RCOR1: variants seen among roughly 807,000 people sequenced by gnomAD.
RCOR1 encodes the protein REST corepressor.
A neutral mutation model predicts 64.0 loss-of-function variants in RCOR1; 12 were observed. That is an observed-to-expected ratio of 0.19 (90% CI 0.12 to 0.30). The LOEUF is 0.30. Ranked by LOEUF, RCOR1 falls within the 10% of genes least tolerant of loss-of-function variation. The pLI is 1.00. For synonymous variants in RCOR1, 279 were observed against 227.2 expected (o/e 1.23, Z -2.05); for missense variants, 502 against 621.2 (o/e 0.81, Z 2.04).
intron 2 of RCOR1, among the ~76,000 whole-genome samples, chr14:102,600,233 G>A (rs190213142): frequency 0.01 from 1,542 of 151,150 alleles, 16 homozygotes; most frequent in Admixed American, 0.016. Context: ...GATTACAGGC[G>A]CCCACCACCA....
At chr14:102,693,023 C>G (rs1895569911) in intron 3 of RCOR1, among the ~76,000 whole-genome samples, 1 of 152,142 alleles carries the variant, frequency 6.6e-6, no homozygotes, top group Non-Finnish European at 1.5e-5. Flanking sequence ...GCCTCAGCCT[C>G]TCAAAGTGTT....
chr14:102,661,563 G>A (rs1160078949), intron 2 of RCOR1, among the ~76,000 whole-genome samples: 2 of 152,120 alleles, frequency 1.3e-5, no homozygotes, highest in African/African-American at 4.8e-5. Flanking sequence ...GTATAATTAT[G>A]TATTAAGTGC....
chr14:102,624,783 A>C (rs76102046), intron 2 of RCOR1, among the ~76,000 whole-genome samples: 2,554 of 152,104 alleles, frequency 0.017, 79 homozygotes, highest in African/African-American at 0.058. Flanking sequence ...GAAAAAAAAA[A>C]AAAGCATTAC....
chr14:102,612,929 C>T (rs1893661611), intron 2 of RCOR1, among the ~76,000 whole-genome samples: 1 of 147,982 alleles, frequency 6.8e-6, no homozygotes, highest in South Asian at 2.1e-4. Flanking sequence ...TGCATTTTAG[C>T]CTGAGAGACA....
intron 2 of RCOR1, among the ~76,000 whole-genome samples, chr14:102,617,170 T>C (rs1213819078): frequency 7.3e-5 from 11 of 151,358 alleles, no homozygotes; most frequent in African/African-American, 4.9e-5. Flanking sequence ...CTAACAGTTA[T>C]CAGGCAGTCT....
rs1896319195 is a variant in RCOR1, at chr14:102,728,818, C to T, written c.*2312C>T. ...GAAGGGGCATGTCATTTTTATTTGA[C>T]AGAGGGAAAATGGGAGCTGTCCTTG... is the stretch of plus-strand genomic sequence containing the variant. On this transcript the variant is annotated 3_prime_UTR_variant, in exon 12 of 12. Coordinates refer to ENST00000262241, the MANE Select transcript of RCOR1 (RefSeq NM_015156.4). 6.6e-6 allele frequency: 1 copy of T among 152,056 alleles called. No homozygotes were observed. The highest frequency in any genetic ancestry group is 1.5e-5 in the Non-Finnish European group (1 of 68,018). The allele number at this position is 152,056 out of a possible 1,614,324, so 9.4% of individuals were successfully genotyped here. A position where few individuals can be genotyped will look rare whatever the true frequency, so the allele number is the denominator to read the frequency against.
chr14:102,644,904 C>G (rs548489257), intron 2 of RCOR1, among the ~76,000 whole-genome samples: 1 of 152,130 alleles, frequency 6.6e-6, no homozygotes, highest in Non-Finnish European at 1.5e-5. Flanking sequence ...TTTGTTTTGT[C>G]TTCTGAGTTA....
intron 2 of RCOR1, among the ~76,000 whole-genome samples, chr14:102,610,900 C>T (rs1008584084): frequency 8.5e-5 from 13 of 152,126 alleles, no homozygotes; most frequent in African/African-American, 2.9e-4. Flanking sequence ...CGTTTTGCCT[C>T]TTTTGTCAAG....
chr14:102,715,589 C>T (rs1896054605), intron 8 of RCOR1, among the ~76,000 whole-genome samples: 2 of 151,454 alleles, frequency 1.3e-5, no homozygotes, highest in Admixed American at 6.6e-5. Flanking sequence ...TGCCATATTC[C>T]CCAGGCTGGT....
chr14:102,713,262 CT>C (rs549966355), intron 7 of RCOR1, among the ~76,000 whole-genome samples: 261 of 112,676 alleles, frequency 2.3e-3, no homozygotes, highest in Admixed American at 2.8e-3. Context: ...CCCGTAGTTT[CT>C]TTTTTTTTTT....
intron 3 of RCOR1, among the ~76,000 whole-genome samples, chr14:102,691,998 C>T (rs888240211): frequency 1.3e-5 from 2 of 152,168 alleles, no homozygotes; most frequent in Non-Finnish European, 2.9e-5. Context: ...CTGCTACCAG[C>T]AAAATGCAGA....
At chr14:102,609,751 CAG>C (rs1035280884) in intron 2 of RCOR1, among the ~76,000 whole-genome samples, 4 of 151,136 alleles carry the variant, frequency 2.6e-5, no homozygotes, top group Non-Finnish European at 5.9e-5. Flanking sequence ...GATGACAGTG[CAG>C]AGAGTCCTGA....
chr14:102,699,175 G>A (rs992543364), intron 3 of RCOR1, among the ~76,000 whole-genome samples: 2 of 152,182 alleles, frequency 1.3e-5, no homozygotes, highest in Non-Finnish European at 2.9e-5. Flanking sequence ...GTGAGCCACC[G>A]CGCCTGGCCT....
At chr14:102,718,946 A>G (rs1896122098) in intron 8 of RCOR1, among the ~76,000 whole-genome samples, 1 of 151,878 alleles carries the variant, frequency 6.6e-6, no homozygotes, top group Non-Finnish European at 1.5e-5. Flanking sequence ...GCACCACCAC[A>G]CCTGGCTAAT....
intron 2 of RCOR1, among the ~76,000 whole-genome samples, chr14:102,633,935 A>G (rs972429341): frequency 1.3e-5 from 2 of 152,198 alleles, no homozygotes; most frequent in East Asian, 1.9e-4. Flanking sequence ...AATACATAGA[A>G]GGTAGATTTT....
intron 2 of RCOR1, among the ~76,000 whole-genome samples, chr14:102,603,641 C>T (rs1008225659): frequency 6.7e-6 from 1 of 149,976 alleles, no homozygotes; most frequent in African/African-American, 2.5e-5. Context: ...TTTTTTCCCC[C>T]TTAGGGTCTT....
At chr14:102,628,219 G>A (rs771582664) in intron 2 of RCOR1, among the ~76,000 whole-genome samples, 3 of 152,098 alleles carry the variant, frequency 2.0e-5, no homozygotes, top group Admixed American at 6.6e-5. Context: ...ATTAAGGAGG[G>A]CAGTCTGCTT....
At chr14:102,659,395 C>T (rs1466860368) in intron 2 of RCOR1, 4 of 406,148 alleles carry the variant, frequency 9.8e-6, no homozygotes, top group Non-Finnish European at 1.0e-5. Flanking sequence ...ACAATATTAA[C>T]AACAATAAAA....
intron 11 of RCOR1, among the ~76,000 whole-genome samples, chr14:102,723,490 T>C (rs1896202758): frequency 6.6e-6 from 1 of 152,250 alleles, no homozygotes; most frequent in Admixed American, 6.5e-5. Context: ...TTAGATTCTT[T>C]AGAGCCTTTT....
Sources: allele counts gnomAD v4.1 joint callset (sites outside exome capture counted in the v4.1 genomes callset), GRCh38; gene constraint gnomAD v4.1.1; transcripts MANE v1.5; gene names NCBI Gene and HGNC (gene_info 2026-07-23, HGNC 2026-07-21).